The following KIAA1549 variants were observed in gnomAD, a reference collection of about 807,000 sequenced individuals.
KIAA1549 encodes KIAA1549.
In KIAA1549, 70 loss-of-function variants were observed where a neutral mutation model predicts 156.4. That is an observed-to-expected ratio of 0.45 (90% CI 0.37 to 0.55). KIAA1549 has a LOEUF of 0.55. KIAA1549 is among the 20% of genes least tolerant of loss of function. The pLI, the probability that KIAA1549 is intolerant of heterozygous loss-of-function variation, is 0.00. For synonymous variants in KIAA1549, 1,103 were observed against 1,066.4 expected, an observed-to-expected ratio of 1.03 and a Z score of -0.67; for missense variants, 2,428 against 2,540.9, an observed-to-expected ratio of 0.96 and a Z score of 0.96.
chr7:138,954,209 T>C (rs17680614), intron 1 of KIAA1549, among the ~76,000 whole-genome samples: 3,495 of 152,328 alleles, frequency 0.023, 67 homozygotes, highest in Admixed American at 0.038. Flanking sequence ...TGCAATTTAA[T>C]TCTATTGGTA....
intron 12 of KIAA1549, among the ~76,000 whole-genome samples, chr7:138,875,971 G>GTT (rs1268886963): frequency 4.1e-5 from 6 of 144,648 alleles, no homozygotes; most frequent in Admixed American, 2.1e-4. Context: ...AATTTTTTCT[G>GTT]TTTTTTTTTT....
intron 1 of KIAA1549, among the ~76,000 whole-genome samples, chr7:138,962,586 G>C (rs527916658): frequency 5.9e-5 from 9 of 152,280 alleles, no homozygotes; most frequent in South Asian, 4.2e-4. Context: ...CCTGGGAAGA[G>C]AGAGGGAGGG....
At chr7:138,921,621 C>T (rs1289790331) in intron 1 of KIAA1549, among the ~76,000 whole-genome samples, 4 of 152,188 alleles carry the variant, frequency 2.6e-5, no homozygotes, top group African/African-American at 9.7e-5. Flanking sequence ...AATCCCAGCA[C>T]TTTGGAAGGC....
At chr7:138,916,703 G>C (rs960885867) in intron 2 of KIAA1549, 45 bp downstream of exon 2, 1 of 1,603,470 alleles carries the variant, frequency 6.2e-7, no homozygotes, top group South Asian at 1.1e-5. Context: ...AAGCTCCTTA[G>C]AAAGATTGCC....
At chr7:138,854,500 C>T (rs966370622) in intron 16 of KIAA1549, among the ~76,000 whole-genome samples, 3 of 152,016 alleles carry the variant, frequency 2.0e-5, no homozygotes, top group Admixed American at 6.6e-5. Flanking sequence ...AAGGCTCATG[C>T]GGTAACTGAA....
chr7:138,884,460 G>C (rs933715263), intron 10 of KIAA1549, among the ~76,000 whole-genome samples: 2 of 152,062 alleles, frequency 1.3e-5, no homozygotes, highest in African/African-American at 4.8e-5. Context: ...GTAGAGTTTA[G>C]GCAAAACTGA....
At chr7:138,900,252 T>C (rs1811804282) in intron 8 of KIAA1549, among the ~76,000 whole-genome samples, 1 of 152,182 alleles carries the variant, frequency 6.6e-6, no homozygotes, top group African/African-American at 2.4e-5. Flanking sequence ...TAAAGATCCT[T>C]AACAACACAC....
rs1387690328 is a variant in KIAA1549, at chr7:138,838,079, G to A, written c.5680C>T (p.Pro1894Ser). 1 of 1,585,328 alleles carries A rather than the reference G, an allele frequency of 6.3e-7. No homozygotes were observed. The change falls in exon 20 of 20, where the codon CCT becomes TCT. Residue 1894 changes from proline to serine, a missense_variant. Physicochemically the swap from Pro to Ser is moderately conservative, Grantham distance 74. Around this residue, in one of 5 missense-constraint regions of KIAA1549, gnomAD observed 363 missense variants for 354.0 expected, o/e 1.03. Coordinates refer to ENST00000422774, the MANE Select transcript of KIAA1549 (RefSeq NM_001164665.2). ...PRTSGREPSA[P>S]SGNLPHRGLQ... is the part of the protein sequence containing the mutation. ...CCCCGGTGGGGGAGGTTCCCGGAAG[G>A]AGCTGAGGGCTCCCTGCCTGAAGTC...
In KIAA1549 at chr7:138,833,990, C is replaced by G; in HGVS notation, c.*3916G>C. 1 of 231,006 alleles carries G rather than the reference C, an allele frequency of 4.3e-6. No homozygotes were observed. Among genetic ancestry groups the G allele is most frequent in the Non-Finnish European group, 8.6e-6 (1 of 116,566 alleles). 14.3% of individuals were successfully genotyped at this position (231,006 alleles called of 1,614,324 possible). On this transcript the variant is annotated 3_prime_UTR_variant, in exon 20 of 20. Transcript: ENST00000422774. ...CAAGTTCATTTCAGTGACAGCTTCACTCCTTCCCTACAGCCTTTCCCAGGC... is the reference window on the plus strand; with the variant it reads ...CAAGTTCATTTCAGTGACAGCTTCAGTCCTTCCCTACAGCCTTTCCCAGGC...
chr7:138,869,298 G>GCC (rs1810849858), intron 14 of KIAA1549, among the ~76,000 whole-genome samples: 1 of 152,244 alleles, frequency 6.6e-6, no homozygotes, highest in Non-Finnish European at 1.5e-5. Flanking sequence ...GCAGAGTTGA[G>GCC]AACAAAGCCA....
chr7:138,834,472 C>T lies in KIAA1549; in HGVS notation c.*3434G>A, dbSNP rs1048436935. The T allele has an allele frequency of 4.6e-6, 1 of 216,358 alleles. No homozygotes were observed. The highest frequency in any genetic ancestry group is 9.3e-6 in the Non-Finnish European group (1 of 107,336). 13.4% of individuals were successfully genotyped at this position (216,358 alleles called of 1,614,324 possible). A position where few individuals can be genotyped will look rare whatever the true frequency, so the allele number is the denominator to read the frequency against. On this transcript the variant is annotated 3_prime_UTR_variant, in exon 20 of 20. Coordinates refer to ENST00000422774, the MANE Select transcript of KIAA1549 (RefSeq NM_001164665.2). The stretch of plus-strand genomic sequence containing the variant: ...TCTCTTCGAATGAATTTTATTGACA[C>T]TTAAACCATGTTATTTATCGGTATC...
rs1811765323 is a variant in KIAA1549 at position 138,898,953 on chromosome 7, AC to A, written c.3847+1del. The A allele has an allele frequency of 6.2e-7, 1 of 1,613,614 alleles. No homozygotes were observed. The highest frequency in any genetic ancestry group is 8.5e-7 in the Non-Finnish European group (1 of 1,179,660). ...ACAGACGACAACACCTCAGGCACTT[AC>A]GCTGGGCAATGACACCTTGAATTCG... is the stretch of plus-strand genomic sequence containing the variant. On this transcript the variant is annotated splice_donor_variant, in intron 9 of 19. Transcript: ENST00000422774. LOFTEE classifies it high-confidence loss of function.
chr7:138,970,583 A>G (rs919433071), intron 1 of KIAA1549, among the ~76,000 whole-genome samples: 12 of 152,172 alleles, frequency 7.9e-5, no homozygotes, highest in African/African-American at 2.9e-4. Flanking sequence ...GTGTGCACAC[A>G]AGTCACCTGG....
At position 138,919,268 on chromosome 7, in the gene KIAA1549, T is replaced by C. The variant is rs751988712; in HGVS notation, c.358A>G (p.Thr120Ala). ...TGTTTTCCTTGGTTAAAAAAGGCTGTATCAAAAGTAGTGGCAGACGGCGGG... is the reference window on the plus strand; with the variant it reads ...TGTTTTCCTTGGTTAAAAAAGGCTGCATCAAAAGTAGTGGCAGACGGCGGG... ...TAPPSATTFD[T>A]AFFNQGKQTK... Residue 120 changes from threonine (T) to alanine (A), a missense_variant, in exon 2 of 20, where the codon ACA becomes GCA. By Grantham distance (58) the Thr-to-Ala change is moderately conservative. This residue lies in a region of KIAA1549 where 893 missense variants were observed against 847.9 expected (regional missense o/e 1.05). Transcript: ENST00000422774. 7.4e-6 allele frequency: 12 copies of C among 1,613,900 alleles called. 1 individual carries two copies. The South Asian group carries it at 9.9e-5, about 13-fold the overall frequency.
In KIAA1549 at chr7:138,838,062, G is replaced by A. The variant is rs1464690518; in HGVS notation, c.5697C>T (p.Pro1899=). The stretch of plus-strand genomic sequence containing the variant: ...GCCCAGGGCCCTGCAGTCCCCGGTG[G>A]GGGAGGTTCCCGGAAGGAGCTGAGG... The part of the protein sequence containing the change: ...REPSAPSGNL[P]HRGLQGPGLG... Residue 1899 remains proline, a synonymous_variant, in exon 20 of 20, where the codon CCC becomes CCT. Coordinates refer to ENST00000422774, the MANE Select transcript of KIAA1549 (RefSeq NM_001164665.2). 6.3e-7 allele frequency: 1 copy of A among 1,596,796 alleles called. No homozygotes were observed. The highest frequency in any genetic ancestry group is 1.1e-5 in the South Asian group (1 of 88,104).
At position 138,917,610 on chromosome 7, in the gene KIAA1549, C is replaced by G; in HGVS notation, c.2016G>C (p.Leu672Phe). The G allele has an allele frequency of 6.2e-7, 1 of 1,613,796 alleles. No homozygotes were observed. The highest frequency in any genetic ancestry group is 1.1e-5 in the South Asian group (1 of 91,048). Reference sequence around the variant, plus strand: ...ATGACTGCAGATCACTAGAGTCAAACAATGTAAATGTCTCAACCAAGGGAG... The same window carrying G: ...ATGACTGCAGATCACTAGAGTCAAAGAATGTAAATGTCTCAACCAAGGGAG... ...SFSPLVETFTLFDSSDLQSSQ... is the reference protein window; with the variant it reads ...SFSPLVETFTFFDSSDLQSSQ... The change falls in exon 2 of 20, where the codon TTG becomes TTC. Residue 672 changes from leucine to phenylalanine, a missense_variant. Physicochemically the swap from Leu to Phe is conservative, Grantham distance 22 (BLOSUM62 0). This residue lies in a region of KIAA1549 where 762 missense variants were observed against 901.6 expected (regional missense o/e 0.85). Coordinates refer to ENST00000422774, the MANE Select transcript of KIAA1549 (RefSeq NM_001164665.2).
In KIAA1549 at chr7:138,918,628, A is replaced by C; in HGVS notation, c.998T>G (p.Leu333Arg). Reference sequence around the variant, plus strand: ...TGTTCTTGGAGAGATGGTTTCTTCTAGGCTTTGACTCAACACAGTGGTCAC... The same window carrying C: ...TGTTCTTGGAGAGATGGTTTCTTCTCGGCTTTGACTCAACACAGTGGTCAC... ...TDVTTVLSQS[L>R]EETISPRTYP... The change falls in exon 2 of 20, where the codon CTA becomes CGA. Residue 333 changes from leucine (L) to arginine (R), a missense_variant. Transcript: ENST00000422774. The surrounding 1 kb of genome is among the most constrained non-coding windows in gnomAD (Gnocchi z 4.2). The C allele has an allele frequency of 6.2e-7, 1 of 1,613,912 alleles. No homozygotes were observed. Among genetic ancestry groups the C allele is most frequent in the Non-Finnish European group, 8.5e-7 (1 of 1,179,900 alleles).
At chr7:138,913,331 T>C (rs1584750954) in intron 2 of KIAA1549, among the ~76,000 whole-genome samples, 1 of 152,204 alleles carries the variant, frequency 6.6e-6, no homozygotes, top group African/African-American at 2.4e-5. Context: ...TTCCCACATA[T>C]TAAAATTTTA....
intron 1 of KIAA1549, among the ~76,000 whole-genome samples, chr7:138,980,599 G>C (rs1324712342): frequency 6.6e-6 from 1 of 152,214 alleles, no homozygotes; most frequent in Non-Finnish European, 1.5e-5. Flanking sequence ...CTGTACGGGG[G>C]GACACGGCCG....
Sources: gnomAD v4.1 joint callset for allele counts (sites outside exome capture counted in the v4.1 genomes callset) on GRCh38, gnomAD v4.1.1 for gene constraint, gnomAD v4.1.1 regional missense constraint, Gnocchi (gnomAD v3.1) non-coding constraint, MANE v1.5 for transcripts, NCBI Gene and HGNC (gene_info 2026-07-23, HGNC 2026-07-21) for gene names.